The following N4BP2 variants were observed in gnomAD, a reference collection of about 807,000 sequenced individuals.
The protein encoded by N4BP2 is NEDD4 binding protein 2.
Under a neutral mutation model 152.8 loss-of-function variants are expected in N4BP2, and 91 were observed. The ratio of observed to expected loss-of-function variants is 0.60; its 90% CI spans 0.50 to 0.71. The LOEUF (loss-of-function observed/expected upper bound fraction) is 0.71. Ranked by LOEUF, N4BP2 falls within the 30% of genes least tolerant of loss-of-function variation. The pLI is 0.00. For synonymous variants in N4BP2, 646 were observed against 705.3 expected, an observed-to-expected ratio of 0.92 and a Z score of 1.33; for missense variants, 1,923 against 2,059.1, an observed-to-expected ratio of 0.93 and a Z score of 1.28.
intron 1 of N4BP2, among the ~76,000 whole-genome samples, chr4:40,071,066 C>T (rs1162583328): frequency 6.6e-6 from 1 of 151,938 alleles, no homozygotes; most frequent in African/African-American, 2.4e-5. Context: ...TGCCAGATTT[C>T]AGTCAAGAAC....
rs2064394161 is a variant in N4BP2 at position 40,157,186 on chromosome 4, C to A, written c.*2949C>A. The stretch of plus-strand genomic sequence containing the variant: ...TTTTCAGTCTGTCCATCTCTTTATT[C>A]CAATGTGAGAAATGGAAGTGTTTTT... On this transcript the variant is annotated 3_prime_UTR_variant, in exon 18 of 18. Coordinates refer to ENST00000261435, the MANE Select transcript of N4BP2 (RefSeq NM_018177.6). 1 of 151,892 alleles carries A rather than the reference C, an allele frequency of 6.6e-6. No homozygotes were observed. Among genetic ancestry groups the A allele is most frequent in the African/African-American group, 2.4e-5 (1 of 41,360 alleles). 9.4% of individuals were successfully genotyped at this position (151,892 alleles called of 1,614,324 possible).
intron 5 of N4BP2, among the ~76,000 whole-genome samples, chr4:40,111,340 A>C (rs984614859): frequency 1.3e-5 from 2 of 152,056 alleles, no homozygotes. Context: ...GGTTTTTTTG[A>C]GACGGAGTCT....
chr4:40,173,673 C>A, the N4BP2 span, among the ~76,000 whole-genome samples: 1 of 152,198 alleles, frequency 6.6e-6, no homozygotes, highest in African/African-American at 2.4e-5. Flanking sequence ...AGTGGATATA[C>A]ACCAGTGCAA....
In N4BP2 at chr4:40,122,068, G is replaced by A; in HGVS notation, c.3957G>A (p.Lys1319=). The A allele has an allele frequency of 6.4e-7, 1 of 1,557,958 alleles. No individual in the cohort carries two copies. Among genetic ancestry groups the A allele is most frequent in the Non-Finnish European group, 8.7e-7 (1 of 1,150,846 alleles). The part of the protein sequence containing the change: ...LEIKRNENFP[K]DYVKFSDEEE... ...TAAAGAGAAATGAAAATTTTCCAAA[G>A]GATTATGTGAAATTTTCAGATGAAG... The change falls in exon 9 of 18, where the codon AAG becomes AAA. Residue 1319 remains lysine, a synonymous_variant. Coordinates refer to ENST00000261435, the MANE Select transcript of N4BP2 (RefSeq NM_018177.6).
chr4:40,175,012 G>A, the N4BP2 span, among the ~76,000 whole-genome samples: 1 of 152,058 alleles, frequency 6.6e-6, no homozygotes, highest in Admixed American at 6.5e-5. Context: ...TCACTTGCAT[G>A]TAAAATTTTG....
the N4BP2 span, among the ~76,000 whole-genome samples, chr4:40,164,767 G>C: frequency 2.0e-5 from 3 of 152,180 alleles, no homozygotes; most frequent in Non-Finnish European, 4.4e-5. Flanking sequence ...GTTTGAAGTT[G>C]CTTCTTGCCT....
chr4:40,112,963 C>A (rs1464722147), intron 6 of N4BP2, among the ~76,000 whole-genome samples: 1 of 152,220 alleles, frequency 6.6e-6, no homozygotes, highest in African/African-American at 2.4e-5. Flanking sequence ...CTCGGCCTCT[C>A]AAAGTGTTGG....
chr4:40,121,733 G>A lies in N4BP2; in HGVS notation c.3622G>A (p.Ala1208Thr). The change falls in exon 9 of 18, where the codon GCT becomes ACT. Residue 1208 changes from alanine to threonine, a missense_variant. Transcript: ENST00000261435. ...AAACTCAGAGCAGGCGGAAATGAGA[G>A]CTGTCACTCCTGAAAACCATGAATC... ...RGNSEQAEMR[A>T]VTPENHESMT... 6.2e-7 allele frequency: 1 copy of A among 1,614,060 alleles called. No individual in the cohort carries two copies. Among genetic ancestry groups the A allele is most frequent in the Non-Finnish European group, 8.5e-7 (1 of 1,180,000 alleles).
chr4:40,113,615 C>A, intron 7 of N4BP2, 107 bp downstream of exon 7: 1 of 778,054 alleles, frequency 1.3e-6, no homozygotes, highest in Non-Finnish European at 2.2e-6. Context: ...TAGATTGTAA[C>A]TTAATTTCTA....
chr4:40,123,941 T>C (rs1017255143), intron 10 of N4BP2, among the ~76,000 whole-genome samples: 2 of 152,026 alleles, frequency 1.3e-5, no homozygotes, highest in Admixed American at 1.3e-4. Flanking sequence ...TTTTTTTAAA[T>C]GCAGTATTTT....
At chr4:40,089,812 T>C (rs1435470517) in intron 2 of N4BP2, among the ~76,000 whole-genome samples, 2 of 152,052 alleles carry the variant, frequency 1.3e-5, no homozygotes, top group African/African-American at 4.8e-5. Context: ...TTTCTCTCTC[T>C]TTTTTAGTTC....
At chr4:40,108,438 C>G (rs185987329) in intron 5 of N4BP2, among the ~76,000 whole-genome samples, 9,760 of 151,390 alleles carry the variant, frequency 0.064, 398 homozygotes, top group Non-Finnish European at 0.085. Context: ...TCAGCCTCCC[C>G]CTGAGTAGCT....
chr4:40,124,092 T>A (rs960538660), intron 10 of N4BP2, 68 bp from the exon 11 acceptor site: 5 of 1,185,498 alleles, frequency 4.2e-6, no homozygotes, highest in Non-Finnish European at 6.3e-6. Flanking sequence ...AAAAATAATA[T>A]AACCTTGTAT....
intron 2 of N4BP2, among the ~76,000 whole-genome samples, chr4:40,096,912 G>A (rs1048323962): frequency 2.6e-4 from 40 of 152,268 alleles, no homozygotes; most frequent in African/African-American, 8.7e-4. Flanking sequence ...AATTTATAAT[G>A]CCTATTGGAC....
chr4:40,078,441 A>G (rs1049168940), intron 2 of N4BP2, among the ~76,000 whole-genome samples: 2 of 150,880 alleles, frequency 1.3e-5, no homozygotes, highest in African/African-American at 4.9e-5. Context: ...CTAGCCCAAT[A>G]TTCCTAAATA....
At chr4:40,163,879 T>C in the N4BP2 span, among the ~76,000 whole-genome samples, 1 of 152,170 alleles carries the variant, frequency 6.6e-6, no homozygotes, top group Admixed American at 6.5e-5. Flanking sequence ...TTCAGAGAGA[T>C]TATAGAATTT....
At chr4:40,124,989 G>T (rs973808060) in intron 11 of N4BP2, among the ~76,000 whole-genome samples, 2 of 152,178 alleles carry the variant, frequency 1.3e-5, no homozygotes, top group African/African-American at 4.8e-5. Flanking sequence ...CTCTTAGATA[G>T]TGTTGTCTTC....
chr4:40,104,024 G>T (rs1244837172), intron 4 of N4BP2, among the ~76,000 whole-genome samples: 1 of 151,770 alleles, frequency 6.6e-6, no homozygotes, highest in African/African-American at 2.4e-5. Flanking sequence ...GCGCGATCTC[G>T]GCTCACTGCA....
downstream of N4BP2, among the ~76,000 whole-genome samples, chr4:40,161,491 C>T (rs1721858648): frequency 6.6e-6 from 1 of 152,136 alleles, no homozygotes; most frequent in Non-Finnish European, 1.5e-5. Flanking sequence ...GGTACTGGTT[C>T]AGCAGAAAAA....
Sources: gnomAD v4.1 joint callset for allele counts (sites outside exome capture counted in the v4.1 genomes callset) on GRCh38, gnomAD v4.1.1 for gene constraint, MANE v1.5 for transcripts, NCBI Gene and HGNC (gene_info 2026-07-23, HGNC 2026-07-21) for gene names.